The following NOS1 variants were observed in gnomAD, a reference collection of about 807,000 sequenced individuals.
NOS1 encodes NOS type I.
Under a neutral mutation model 164.5 loss-of-function variants are expected in NOS1, and 51 were observed. That is an observed-to-expected ratio of 0.31 (90% CI 0.25 to 0.39). The LOEUF (loss-of-function observed/expected upper bound fraction) is 0.39, where lower values mean the gene tolerates loss of function less well. Ranked by LOEUF, NOS1 falls within the 10% of genes least tolerant of loss-of-function variation. The probability of loss-of-function intolerance (pLI) is 1.00; values close to 1 mark genes in which losing one functional copy is unlikely to be tolerated. For missense variants in NOS1, 1,362 were observed against 1,885.6 expected, an observed-to-expected ratio of 0.72 and a Z score of 5.14; for synonymous variants, 719 against 745.8, an observed-to-expected ratio of 0.96 and a Z score of 0.59.
intron 1 of NOS1, among the ~76,000 whole-genome samples, chr12:117,333,740 G>A (rs1875663982): frequency 6.6e-6 from 1 of 152,194 alleles, no homozygotes; most frequent in African/African-American, 2.4e-5. Flanking sequence ...TGCTGTGTGT[G>A]GCCCGGGTGT....
At chr12:117,242,782 G>T in intron 19 of NOS1, 77 bp from the exon 20 acceptor site, 2 of 1,330,818 alleles carry the variant, frequency 1.5e-6, no homozygotes, top group Non-Finnish European at 2.2e-6. Context: ...GGGGCAACGT[G>T]GCTCACGCCC....
At chr12:117,224,825 C>T (rs1026394860) in intron 25 of NOS1, among the ~76,000 whole-genome samples, 191 bp downstream of exon 25, 15 of 152,170 alleles carry the variant, frequency 9.9e-5, no homozygotes, top group Non-Finnish European at 1.6e-4. Context: ...AATTTCAGGC[C>T]CCTGGGACAG....
At position 117,286,197 on chromosome 12, in the gene NOS1, G is replaced by C; in HGVS notation, c.1197C>G (p.Tyr399Ter). The change falls in exon 6 of 29, where the codon TAC becomes TAG. Residue 399 changes from tyrosine (Y) to a stop codon, truncating the protein, a stop_gained. Coordinates refer to ENST00000317775, the MANE Select transcript of NOS1 (RefSeq NM_000620.5). LOFTEE classifies it high-confidence loss of function. ...VNKEIDTTST[Y>*]QLKDTELIYG... ...AGATGAGCTCTGTGTCCTTGAGCTG[G>C]TAAGTGCTAGTGGTGTCGATCTCTT... 1 of 1,614,184 alleles carries C rather than the reference G, an allele frequency of 6.2e-7. No individual in the cohort carries two copies. Among genetic ancestry groups the C allele is most frequent in the Non-Finnish European group, 8.5e-7 (1 of 1,180,040 alleles).
chr12:117,330,775 C>T lies in NOS1; in HGVS notation c.295G>A (p.Gly99Ser). The change falls in exon 2 of 29, where the codon GGC becomes AGC. Residue 99 changes from glycine (G) to serine (S), a missense_variant. Coordinates refer to ENST00000317775, the MANE Select transcript of NOS1 (RefSeq NM_000620.5). This position sits in a 1 kb window ranked among gnomAD's most constrained non-coding sequence, Gnocchi z 4.6. ...AGGTGCGTGGTGAAACCTTCAGGGC[C>T]CCTCAGAATGAGGACCACGTGGGTC... ...SETHVVLILR[G>S]PEGFTTHLET... is the part of the protein sequence containing the mutation. 1 of 1,614,072 alleles carries T rather than the reference C, an allele frequency of 6.2e-7. No individual in the cohort carries two copies. Among genetic ancestry groups the T allele is most frequent in the African/African-American group, 1.3e-5 (1 of 75,032 alleles).
In NOS1 at chr12:117,272,974, T is replaced by G. The variant is rs937551182; in HGVS notation, c.1665-415A>C. Reference sequence around the variant, plus strand: ...AAACTTCTTCTTTCTTTCTTTTTTTTGGGGGGTAGGGGAATGCAGTCTCGC... The same window carrying G: ...AAACTTCTTCTTTCTTTCTTTTTTTGGGGGGGTAGGGGAATGCAGTCTCGC... On this transcript the variant is annotated intron_variant, in intron 9 of 28. Coordinates refer to ENST00000317775, the MANE Select transcript of NOS1 (RefSeq NM_000620.5). This position sits in a 1 kb window ranked among gnomAD's most constrained non-coding sequence, Gnocchi z 4.3. Among the ~76,000 whole-genome samples the G allele has an allele frequency of 7.9e-5, 12 of 152,216 alleles. No individual in the cohort carries two copies. Among genetic ancestry groups the G allele is most frequent in the Admixed American group, 7.2e-4 (11 of 15,292 alleles).
intron 28 of NOS1, 116 bp from the exon 29 acceptor site, chr12:117,215,440 T>C (rs79509994): frequency 3.9e-6 from 3 of 761,032 alleles, no homozygotes; most frequent in African/African-American, 3.7e-5. Context: ...GTCTCTTTCT[T>C]TTTTTTTTTT....
intron 1 of NOS1, among the ~76,000 whole-genome samples, chr12:117,346,880 C>T (rs1876376706): frequency 6.6e-6 from 1 of 152,228 alleles, no homozygotes; most frequent in Non-Finnish European, 1.5e-5. Context: ...TCACATTCTT[C>T]AATCAGGCTC....
At chr12:117,333,490 C>A (rs1485345503) in intron 1 of NOS1, among the ~76,000 whole-genome samples, 2 of 152,160 alleles carry the variant, frequency 1.3e-5, no homozygotes, top group Non-Finnish European at 2.9e-5. Flanking sequence ...GGTGCAGAGA[C>A]CCCTCCCAGA....
chr12:117,218,883 T>C (rs1956653807), intron 27 of NOS1, among the ~76,000 whole-genome samples: 1 of 151,886 alleles, frequency 6.6e-6, no homozygotes, highest in Non-Finnish European at 1.5e-5. Flanking sequence ...AGAAGGGCAG[T>C]GGTTGGGAGT....
chr12:117,285,319 C>A lies in NOS1; in HGVS notation c.1304G>T (p.Arg435Leu). The A allele has an allele frequency of 6.2e-7, 1 of 1,609,520 alleles. No homozygotes were observed. Among genetic ancestry groups the A allele is most frequent in the Non-Finnish European group, 8.5e-7 (1 of 1,177,120 alleles). ...CATCCCGTGGGCCGTGGTGCAGTCA[C>A]GGGCATCGAATACCTGGAAGAGGCA... ...QWSKLQVFDA[R>L]DCTTAHGMFN... Residue 435 changes from arginine to leucine, a missense_variant, in exon 7 of 29, where the codon CGT (arginine) becomes CTT (leucine). Physicochemically the swap from Arg to Leu is moderately radical, Grantham distance 102. Around this residue, in one of 4 missense-constraint regions of NOS1, gnomAD observed 129 missense variants for 186.0 expected, o/e 0.69. Transcript: ENST00000317775.
At chr12:117,313,649 A>G (rs1874542286) in intron 2 of NOS1, among the ~76,000 whole-genome samples, 1 of 152,106 alleles carries the variant, frequency 6.6e-6, no homozygotes, top group Non-Finnish European at 1.5e-5. Flanking sequence ...CCTGAACTCT[A>G]ACAGGCTCAG....
intron 3 of NOS1, among the ~76,000 whole-genome samples, chr12:117,308,647 A>G (rs1449420715): frequency 3.3e-5 from 5 of 150,394 alleles, no homozygotes; most frequent in South Asian, 2.1e-4. Context: ...CCCAGGCTGG[A>G]GTGCAGTAGC....
intron 17 of NOS1, 44 bp downstream of exon 17, chr12:117,253,594 C>G: frequency 7.4e-7 from 1 of 1,352,640 alleles, no homozygotes; most frequent in Non-Finnish European, 1.1e-6. Context: ...TCCCCAGGAG[C>G]CTTAGTCTTC....
rs546602128 is a variant in NOS1, at chr12:117,307,838, G to A, written c.852+3628C>T. Among the ~76,000 whole-genome samples, 4 of 151,502 alleles carry A rather than the reference G, an allele frequency of 2.6e-5. No individual in the cohort carries two copies. In the East Asian group the frequency reaches 8.0e-4, roughly 30 times the overall value. On this transcript the variant is annotated intron_variant, in intron 3 of 28. Transcript: ENST00000317775. Reference sequence around the variant, plus strand: ...TCGAGACCAGCCTGGCCAAGATGGTGAAACCCCATCTCCAAAAAATGTAAA... The same window carrying A: ...TCGAGACCAGCCTGGCCAAGATGGTAAAACCCCATCTCCAAAAAATGTAAA...
intron 3 of NOS1, among the ~76,000 whole-genome samples, chr12:117,299,537 G>A (rs1338991633): frequency 1.3e-5 from 2 of 151,554 alleles, no homozygotes; most frequent in African/African-American, 2.4e-5. Flanking sequence ...TACTCGGGAG[G>A]CTGAGGCAGG....
At chr12:117,337,405 C>A (rs558195784) in intron 1 of NOS1, among the ~76,000 whole-genome samples, 2 of 152,118 alleles carry the variant, frequency 1.3e-5, no homozygotes, top group African/African-American at 4.8e-5. Flanking sequence ...CTTGAGCCAC[C>A]GTGCCCGGCC....
In NOS1 at chr12:117,211,156, T is replaced by C; in HGVS notation, c.*4153A>G. 2.7e-6 allele frequency: 2 copies of C among 736,894 alleles called. No individual in the cohort carries two copies. The highest frequency in any genetic ancestry group is 3.3e-6 in the Non-Finnish European group (2 of 603,256). 45.6% of individuals were successfully genotyped at this position (736,894 alleles called of 1,614,324 possible). On this transcript the variant is annotated 3_prime_UTR_variant, in exon 29 of 29. Coordinates refer to ENST00000317775, the MANE Select transcript of NOS1 (RefSeq NM_000620.5). ...ATTTTCTTAGTAGAGTCAGGGTTTC[T>C]ACTAACTGGCTGACTGGTCTCCAAC...
chr12:117,285,738 A>C (rs966157407), intron 6 of NOS1, among the ~76,000 whole-genome samples: 4 of 152,196 alleles, frequency 2.6e-5, no homozygotes, highest in Non-Finnish European at 5.9e-5. Context: ...TATTTCCTAA[A>C]ATAAAATCGT....
intron 18 of NOS1, among the ~76,000 whole-genome samples, chr12:117,246,453 G>A (rs1204912015): frequency 1.3e-5 from 2 of 152,076 alleles, no homozygotes; most frequent in Admixed American, 6.6e-5. Context: ...ATTTTGTACT[G>A]TATAGATAGG....
Sources: gnomAD v4.1 joint callset for allele counts (sites outside exome capture counted in the v4.1 genomes callset) on GRCh38, gnomAD v4.1.1 for gene constraint, gnomAD v4.1.1 regional missense constraint, Gnocchi (gnomAD v3.1) non-coding constraint, MANE v1.5 for transcripts, NCBI Gene and HGNC (gene_info 2026-07-23, HGNC 2026-07-21) for gene names.